Variants in STEAP3 observed in about 807,000 individuals in gnomAD.
The protein encoded by STEAP3 is STEAP3 metalloreductase.
Under a neutral mutation model 34.9 loss-of-function variants are expected in STEAP3, and 35 were observed. The ratio of observed to expected loss-of-function variants is 1.00; its 90% CI spans 0.76 to 1.33. STEAP3 has a LOEUF of 1.33. STEAP3 is among the 40% of genes most tolerant of loss of function. The probability of loss-of-function intolerance (pLI) is 0.00; values close to 1 mark genes in which losing one functional copy is unlikely to be tolerated. For synonymous variants in STEAP3, 281 were observed against 301.6 expected (o/e 0.93, Z 0.71); for missense variants, 652 against 667.6 (o/e 0.98, Z 0.26).
chr2:119,228,379 GC>G (rs1679108241), intron 1 of STEAP3, among the ~76,000 whole-genome samples: 1 of 152,166 alleles, frequency 6.6e-6, no homozygotes, highest in Non-Finnish European at 1.5e-5. Flanking sequence ...CTGGGTGACT[GC>G]CCAGGCCTGC....
intron 4 of STEAP3, among the ~76,000 whole-genome samples, chr2:119,254,249 G>A (rs534645898): frequency 6.0e-4 from 91 of 152,170 alleles, no homozygotes; most frequent in Non-Finnish European, 8.5e-4. Flanking sequence ...TTCTGGGGCC[G>A]GAAAACCGTG....
Position 119,247,896 on chromosome 2 carries a change from A to C in STEAP3, c.740A>C (p.Gln247Pro), listed in dbSNP as rs761485248. ...YAYNFVRDVL[Q>P]PYVQESQNKF... ...TACAACTTCGTCCGGGACGTTCTGCAGCCCTATGTGCAGGAAAGCCAGAAC... is the reference window on the plus strand; with the variant it reads ...TACAACTTCGTCCGGGACGTTCTGCCGCCCTATGTGCAGGAAAGCCAGAAC... The change falls in exon 4 of 6, where the codon CAG (glutamine) becomes CCG (proline). Residue 247 changes from glutamine to proline, a missense_variant. Coordinates refer to ENST00000393110, the MANE Select transcript of STEAP3 (RefSeq NM_182915.3). The C allele has an allele frequency of 6.2e-7, 1 of 1,613,920 alleles. No homozygotes were observed. The highest frequency in any genetic ancestry group is 1.7e-5 in the Admixed American group (1 of 60,026).
At chr2:119,236,592 G>C (rs1382678305) in intron 2 of STEAP3, among the ~76,000 whole-genome samples, 2 of 152,210 alleles carry the variant, frequency 1.3e-5, no homozygotes, top group Admixed American at 6.5e-5. Flanking sequence ...GTTATTTAGA[G>C]AATCCCAGGG....
intron 1 of STEAP3, among the ~76,000 whole-genome samples, chr2:119,224,455 G>A (rs1017706231): frequency 6.6e-6 from 1 of 152,212 alleles, no homozygotes; most frequent in African/African-American, 2.4e-5. Context: ...CCCTTGCCTG[G>A]CAAAGTTCCC....
chr2:119,248,251 C>T (rs757958057), intron 4 of STEAP3, 45 bp downstream of exon 4: 4 of 1,508,048 alleles, frequency 2.7e-6, no homozygotes, highest in African/African-American at 1.4e-5. Flanking sequence ...TCAGCACATG[C>T]TTGTCCAGCA....
intron 5 of STEAP3, among the ~76,000 whole-genome samples, chr2:119,259,659 C>T (rs1334047637): frequency 2.0e-5 from 3 of 152,332 alleles, no homozygotes; most frequent in Admixed American, 6.5e-5. Flanking sequence ...CATCACTCTC[C>T]AGATCAGGGG....
chr2:119,263,702 G>C lies in STEAP3; in HGVS notation c.*364G>C, dbSNP rs1276244328. 2 of 358,852 alleles carry C rather than the reference G, an allele frequency of 5.6e-6. No individual in the cohort carries two copies. The highest frequency in any genetic ancestry group is 1.1e-5 in the Non-Finnish European group (2 of 186,896). 22.2% of individuals were successfully genotyped at this position (358,852 alleles called of 1,614,324 possible). A position where few individuals can be genotyped will look rare whatever the true frequency, so the allele number is the denominator to read the frequency against. ...TACACACACTTTTTGTACAGAAGAGGCTTGTGCTGTGGTGGGTTCGATTTA... is the reference window on the plus strand; with the variant it reads ...TACACACACTTTTTGTACAGAAGAGCCTTGTGCTGTGGTGGGTTCGATTTA... On this transcript the variant is annotated 3_prime_UTR_variant, in exon 6 of 6. Transcript: ENST00000393110.
At position 119,263,757 on chromosome 2, in the gene STEAP3, C is replaced by T; in HGVS notation, c.*419C>T. ...TGCCCACCCCACCCCCACAACTTCC[C>T]TTTTGCTACTTCCCCAAGGCTCTTG... is the stretch of plus-strand genomic sequence containing the variant. On this transcript the variant is annotated 3_prime_UTR_variant, in exon 6 of 6. Transcript: ENST00000393110. 3.1e-6 allele frequency: 1 copy of T among 319,562 alleles called. No individual in the cohort carries two copies. Among genetic ancestry groups the T allele is most frequent in the Non-Finnish European group, 6.0e-6 (1 of 166,304 alleles). 19.8% of individuals were successfully genotyped at this position (319,562 alleles called of 1,614,324 possible).
At chr2:119,234,007 G>A (rs987078345) in intron 2 of STEAP3, among the ~76,000 whole-genome samples, 1 of 152,224 alleles carries the variant, frequency 6.6e-6, no homozygotes, top group African/African-American at 2.4e-5. Flanking sequence ...CCACTGAGGG[G>A]CAGGGGAGGG....
chr2:119,253,823 T>TGG (rs142439963), intron 4 of STEAP3, among the ~76,000 whole-genome samples: 2 of 151,480 alleles, frequency 1.3e-5, no homozygotes, highest in South Asian at 2.1e-4. Flanking sequence ...TGGAACTTGG[T>TGG]GGGGGGGCCC....
At chr2:119,239,253 T>G (rs1677174049) in intron 2 of STEAP3, 1 of 152,374 alleles carries the variant, frequency 6.6e-6, no homozygotes, top group South Asian at 2.1e-4. Flanking sequence ...AAGAGTTCTG[T>G]GCGAGAATTT....
intron 2 of STEAP3, among the ~76,000 whole-genome samples, chr2:119,237,853 T>C (rs1295064878): frequency 6.6e-6 from 1 of 152,224 alleles, no homozygotes; most frequent in Non-Finnish European, 1.5e-5. Context: ...AATCCCCCAT[T>C]CTGGCCACCA....
intron 1 of STEAP3, among the ~76,000 whole-genome samples, chr2:119,228,269 G>A (rs1269996495): frequency 2.6e-5 from 4 of 152,206 alleles, no homozygotes; most frequent in East Asian, 1.9e-4. Context: ...TGAACTCTGG[G>A]TGCACAGCTA....
chr2:119,224,737 C>T (rs1678985700), intron 1 of STEAP3, among the ~76,000 whole-genome samples: 1 of 152,086 alleles, frequency 6.6e-6, no homozygotes, highest in Non-Finnish European at 1.5e-5. Context: ...TGGAAATGCC[C>T]CCAGGGAGGT....
intron 2 of STEAP3, among the ~76,000 whole-genome samples, chr2:119,239,859 A>G (rs535347400): frequency 2.0e-5 from 3 of 152,306 alleles, no homozygotes; most frequent in South Asian, 4.1e-4. Flanking sequence ...GGGAGGACAT[A>G]CAGAGCCTCC....
In STEAP3 at chr2:119,248,036, C is replaced by T. The variant is rs781742485; in HGVS notation, c.880C>T (p.Arg294Cys). 3.7e-6 allele frequency: 6 copies of T among 1,609,154 alleles called. No homozygotes were observed. The highest frequency in any genetic ancestry group is 3.4e-6 in the Non-Finnish European group (4 of 1,179,886). Residue 294 changes from arginine to cysteine, a missense_variant, in exon 4 of 6, where the codon CGC (arginine) becomes TGC (cysteine). Coordinates refer to ENST00000393110, the MANE Select transcript of STEAP3 (RefSeq NM_182915.3). ...GCTGGCGGCTGCCCTGCAGCTGCGG[C>T]GCGGCACCAAGTACCAGCGCTTCCC... ...GVLAAALQLR[R>C]GTKYQRFPDW... is the part of the protein sequence containing the mutation.
chr2:119,258,597 A>ATTTT (rs57364767), intron 5 of STEAP3, among the ~76,000 whole-genome samples: 2 of 69,940 alleles, frequency 2.9e-5, no homozygotes, highest in Non-Finnish European at 5.1e-5. Flanking sequence ...TCCTTTGGGT[A>ATTTT]TTTTTTTTTT....
chr2:119,258,774 A>ATTTTTTTTTTTTT (rs57860527), intron 5 of STEAP3, among the ~76,000 whole-genome samples: 2 of 121,050 alleles, frequency 1.7e-5, no homozygotes, highest in Non-Finnish European at 3.4e-5. Context: ...CACCTGGCTA[A>ATTTTTTTTTTTTT]TTTTTTTTTT....
intron 2 of STEAP3, among the ~76,000 whole-genome samples, chr2:119,242,126 A>T (rs2104811635): frequency 6.6e-6 from 1 of 152,216 alleles, no homozygotes; most frequent in Non-Finnish European, 1.5e-5. Context: ...ACTCATCCTT[A>T]TATGCTTAGG....
Sources: gnomAD v4.1 joint callset for allele counts (sites outside exome capture counted in the v4.1 genomes callset) on GRCh38, gnomAD v4.1.1 for gene constraint, MANE v1.5 for transcripts, NCBI Gene and HGNC (gene_info 2026-07-23, HGNC 2026-07-21) for gene names.